The following PSD3 variants were observed in gnomAD, a reference collection of about 807,000 sequenced individuals.
PSD3 encodes the protein pleckstrin and Sec7 domain containing 3, also known as PH and SEC7 domain-containing protein 3.
In PSD3, 49 loss-of-function variants were observed where a neutral mutation model predicts 105.5. That is an observed-to-expected ratio of 0.46 (90% CI 0.37 to 0.59). PSD3 has a LOEUF of 0.59. Among genes scored for constraint, PSD3 ranks in the 20% least tolerant of loss-of-function variants. The pLI is 0.00. For missense variants in PSD3, 1,561 were observed against 1,263.8 expected (o/e 1.24, Z -3.57); for synonymous variants, 557 against 457.8 (o/e 1.22, Z -2.77).
intron 15 of PSD3, among the ~76,000 whole-genome samples, chr8:18,552,227 T>C (rs1008324566): frequency 2.6e-5 from 4 of 152,166 alleles, no homozygotes; most frequent in Non-Finnish European, 5.9e-5. Context: ...AGCCCAGTCA[T>C]GGATTTAATA....
chr8:18,996,911 T>C (rs1826106302), intron 1 of PSD3, among the ~76,000 whole-genome samples: 1 of 151,906 alleles, frequency 6.6e-6, no homozygotes, highest in African/African-American at 2.4e-5. Context: ...CATTTGCCCC[T>C]CATTTTACTT....
chr8:18,598,494 CAT>C (rs1804202973), intron 12 of PSD3, among the ~76,000 whole-genome samples: 1 of 150,236 alleles, frequency 6.7e-6, no homozygotes, highest in Non-Finnish European at 1.5e-5. Context: ...GGTGGTTCAA[CAT>C]ATGAAAATCA....
intron 15 of PSD3, among the ~76,000 whole-genome samples, chr8:18,543,776 A>C (rs1800284824): frequency 6.6e-6 from 1 of 152,152 alleles, no homozygotes; most frequent in African/African-American, 2.4e-5. Context: ...TTGTGTTTTG[A>C]AAAAAATTAC....
chr8:18,957,486 C>A (rs759351809), intron 1 of PSD3, among the ~76,000 whole-genome samples: 2 of 152,072 alleles, frequency 1.3e-5, no homozygotes, highest in Non-Finnish European at 2.9e-5. Context: ...ACAGAATCCA[C>A]GGGCCCAACA....
chr8:18,986,040 G>C (rs924721536), intron 1 of PSD3, among the ~76,000 whole-genome samples: 4 of 152,154 alleles, frequency 2.6e-5, no homozygotes, highest in South Asian at 2.1e-4. Flanking sequence ...TAGCACAGCA[G>C]TAGAACCTTA....
At chr8:18,772,286 C>A (rs1410414785) in intron 8 of PSD3, among the ~76,000 whole-genome samples, 3 of 152,144 alleles carry the variant, frequency 2.0e-5, no homozygotes, top group African/African-American at 7.2e-5. Flanking sequence ...TTATATTTCT[C>A]ATTTTTTTGT....
chr8:18,712,806 T>A (rs1381733255), intron 9 of PSD3, among the ~76,000 whole-genome samples: 1 of 152,046 alleles, frequency 6.6e-6, no homozygotes, highest in Non-Finnish European at 1.5e-5. Context: ...CATCCTGATA[T>A]CAAAACCTGG....
intron 4 of PSD3, among the ~76,000 whole-genome samples, chr8:18,831,445 G>A (rs1260335990): frequency 1.3e-5 from 2 of 152,246 alleles, no homozygotes; most frequent in Non-Finnish European, 2.9e-5. Context: ...CATCAGGCCA[G>A]ATGCCGTGGC....
At chr8:19,002,449 C>A (rs552707955) in intron 1 of PSD3, among the ~76,000 whole-genome samples, 1 of 152,050 alleles carries the variant, frequency 6.6e-6, no homozygotes, top group East Asian at 1.9e-4. Context: ...AAGCATATAT[C>A]AACTTAGTAG....
upstream of PSD3, among the ~76,000 whole-genome samples, chr8:19,017,549 C>T (rs1827216741): frequency 2.0e-5 from 3 of 152,192 alleles, no homozygotes; most frequent in African/African-American, 4.8e-5. Context: ...TCCCCATTGG[C>T]GGTCGCTCCT....
At chr8:18,749,276 C>T (rs1473391377) in intron 9 of PSD3, among the ~76,000 whole-genome samples, 1 of 152,164 alleles carries the variant, frequency 6.6e-6, no homozygotes, top group African/African-American at 2.4e-5. Context: ...AGCTGTTACC[C>T]CACAACCAGA....
intron 15 of PSD3, among the ~76,000 whole-genome samples, chr8:18,538,189 T>C (rs1034171668): frequency 2.6e-5 from 4 of 152,236 alleles, no homozygotes; most frequent in African/African-American, 9.6e-5. Flanking sequence ...AAATATCCTA[T>C]GGGTTAAACC....
chr8:18,595,397 G>A (rs1804016481), intron 12 of PSD3, among the ~76,000 whole-genome samples: 1 of 151,426 alleles, frequency 6.6e-6, no homozygotes, highest in African/African-American at 2.4e-5. Context: ...AATATGAATG[G>A]ATTAAACTCC....
chr8:18,970,862 C>T (rs1283415811), intron 1 of PSD3, among the ~76,000 whole-genome samples: 1 of 151,654 alleles, frequency 6.6e-6, no homozygotes, highest in East Asian at 1.9e-4. Flanking sequence ...GGCTGTAGTC[C>T]CAACTACTTG....
intron 1 of PSD3, among the ~76,000 whole-genome samples, chr8:19,002,897 G>A (rs1048588323): frequency 1.3e-5 from 2 of 151,980 alleles, no homozygotes; most frequent in Non-Finnish European, 1.5e-5. Context: ...TAGGGTACAA[G>A]AAAGTCCAGT....
chr8:18,629,691 G>A (rs555326652), intron 11 of PSD3, among the ~76,000 whole-genome samples: 117 of 151,986 alleles, frequency 7.7e-4, no homozygotes, highest in African/African-American at 2.6e-3. Context: ...TGTCATAACC[G>A]TCATAGGATG....
intron 1 of PSD3, among the ~76,000 whole-genome samples, chr8:19,080,919 C>G (rs751765544): frequency 6.6e-5 from 10 of 151,272 alleles, no homozygotes; most frequent in Non-Finnish European, 1.3e-4. Flanking sequence ...GAAGACCTAG[C>G]AAAAAAAAAT....
At chr8:18,608,141 G>T (rs529713064) in intron 11 of PSD3, among the ~76,000 whole-genome samples, 27 of 152,288 alleles carry the variant, frequency 1.8e-4, no homozygotes, top group African/African-American at 6.3e-4. Context: ...GACTGTTTCA[G>T]TCCAGGAGGT....
chr8:18,688,984 CTAAT>C (rs1391260747), intron 9 of PSD3, among the ~76,000 whole-genome samples: 4 of 152,182 alleles, frequency 2.6e-5, no homozygotes, highest in African/African-American at 9.7e-5. Flanking sequence ...ATGAAGCAAA[CTAAT>C]TAAGCGGAAG....
Sources: allele counts gnomAD v4.1 joint callset (sites outside exome capture counted in the v4.1 genomes callset), GRCh38; gene constraint gnomAD v4.1.1; transcripts MANE v1.5; gene names NCBI Gene and HGNC (gene_info 2026-07-23, HGNC 2026-07-21).